Variants in SACS observed in about 807,000 individuals in gnomAD.
SACS encodes the protein sacsin.
SACS carries 197 observed loss-of-function variants against 348.0 expected under a neutral mutation model. The observed-to-expected ratio is 0.57, with a 90% confidence interval of 0.50 to 0.64. SACS has a LOEUF of 0.64. SACS is among the 30% of genes least tolerant of loss of function. The probability of loss-of-function intolerance (pLI) is 0.00; values close to 1 mark genes in which losing one functional copy is unlikely to be tolerated. For synonymous variants in SACS, 1,985 were observed against 1,910.6 expected, an observed-to-expected ratio of 1.04 and a Z score of -1.02; for missense variants, 4,999 against 5,360.8, an observed-to-expected ratio of 0.93 and a Z score of 2.11.
intron 2 of SACS, among the ~76,000 whole-genome samples, chr13:23,387,730 G>A (rs527621550): frequency 8.5e-5 from 13 of 152,336 alleles, no homozygotes; most frequent in Non-Finnish European, 1.6e-4. Context: ...CCAATGGACA[G>A]CATGGTGCAG....
At chr13:23,386,156 C>T (rs1009012399) in intron 2 of SACS, among the ~76,000 whole-genome samples, 4 of 152,224 alleles carry the variant, frequency 2.6e-5, no homozygotes, top group Non-Finnish European at 4.4e-5. Flanking sequence ...TAGCCCCTAA[C>T]AAGAGTCAAC....
chr13:23,334,978 G>C lies in SACS; in HGVS notation c.8898C>G (p.Asn2966Lys). The change falls in exon 10 of 10, where the codon AAC (asparagine) becomes AAG (lysine). Residue 2966 changes from asparagine (N) to lysine (K), a missense_variant. Transcript: ENST00000382292. ...ATAAATCTGGCTGTAGATCAAGACGGTTAACTGGGAAAAACGATAAAAACT... is the reference window on the plus strand; with the variant it reads ...ATAAATCTGGCTGTAGATCAAGACGCTTAACTGGGAAAAACGATAAAAACT... ...LKKFLSFFPV[N>K]RLDLQPDLYC... The C allele has an allele frequency of 1.2e-6, 2 of 1,613,876 alleles. No homozygotes were observed. Among genetic ancestry groups the C allele is most frequent in the Non-Finnish European group, 1.7e-6 (2 of 1,179,834 alleles).
At chr13:23,346,180 C>T (rs549260633) in intron 9 of SACS, among the ~76,000 whole-genome samples, 35 of 152,336 alleles carry the variant, frequency 2.3e-4, no homozygotes, top group African/African-American at 8.4e-4. Flanking sequence ...GAGTCCCGCT[C>T]TGTCGCCCAG....
At chr13:23,414,953 C>G (rs1477231905) in intron 1 of SACS, among the ~76,000 whole-genome samples, 1 of 152,214 alleles carries the variant, frequency 6.6e-6, no homozygotes. Context: ...TCTCAGAGAT[C>G]ACTGTGTCCT....
intron 1 of SACS, among the ~76,000 whole-genome samples, chr13:23,422,329 T>A (rs1873985885): frequency 3.3e-5 from 5 of 152,148 alleles, no homozygotes; most frequent in African/African-American, 1.2e-4. Context: ...ATGTAACCTG[T>A]GTTTTTATTA....
chr13:23,412,066 T>G (rs543067433), intron 1 of SACS, among the ~76,000 whole-genome samples: 1 of 152,160 alleles, frequency 6.6e-6, no homozygotes, highest in South Asian at 2.1e-4. Context: ...GAGACCATCC[T>G]GGCTAATACG....
chr13:23,400,286 T>C (rs1321074116), intron 2 of SACS, among the ~76,000 whole-genome samples: 1 of 152,216 alleles, frequency 6.6e-6, no homozygotes, highest in Non-Finnish European at 1.5e-5. Context: ...TCACAATATA[T>C]AGGGTCAAAT....
rs1004576836 is a variant in SACS, at chr13:23,329,704, GACAGACT to G, written c.*425_*431del. The stretch of plus-strand genomic sequence containing the variant: ...TCCAAGAGGATCCACTTAAAAAAAT[GACAGACT>G]ACAAAGACTTAATTCCCCTTATGTT... On this transcript the variant is annotated 3_prime_UTR_variant, in exon 10 of 10. Transcript: ENST00000382292. The G allele has an allele frequency of 2.8e-4, 145 of 509,460 alleles. 1 individual carries two copies. Among genetic ancestry groups the G allele is most frequent in the African/African-American group, 2.3e-3 (119 of 50,780 alleles). The allele number at this position is 509,460 out of a possible 1,614,324, so 31.6% of individuals were successfully genotyped here.
chr13:23,405,073 T>G (rs112141763), intron 2 of SACS, among the ~76,000 whole-genome samples: 3 of 152,178 alleles, frequency 2.0e-5, no homozygotes. Context: ...AAATTTCATA[T>G]GGAACCAAAA....
chr13:23,390,365 C>A (rs930078987), intron 2 of SACS, among the ~76,000 whole-genome samples: 2 of 152,152 alleles, frequency 1.3e-5, no homozygotes, highest in Admixed American at 6.5e-5. Flanking sequence ...CAAATGAGAT[C>A]ATTTAAAATC....
intron 9 of SACS, among the ~76,000 whole-genome samples, chr13:23,345,187 A>T (rs770488514): frequency 6.6e-6 from 1 of 152,216 alleles, no homozygotes; most frequent in Non-Finnish European, 1.5e-5. Context: ...AGTTCTAACA[A>T]TGCCCTACTG....
In SACS at chr13:23,332,924, A is replaced by G; in HGVS notation, c.10952T>C (p.Ile3651Thr). The G allele has an allele frequency of 6.2e-7, 1 of 1,613,940 alleles. No individual in the cohort carries two copies. The highest frequency in any genetic ancestry group is 8.5e-7 in the Non-Finnish European group (1 of 1,179,920). ...SGNFLKELSL[I>T]PFLCPERAPA... ...GGCCCGCTCAGGACATAAGAATGGT[A>G]TTAAAGATAGTTCTTTCAGAAAATT... Residue 3651 changes from isoleucine to threonine, a missense_variant, in exon 10 of 10, where the codon ATA becomes ACA. Physicochemically the swap from Ile to Thr is moderately conservative, Grantham distance 89. Transcript: ENST00000382292.
intron 1 of SACS, among the ~76,000 whole-genome samples, chr13:23,421,547 G>A (rs546197403): frequency 6.6e-6 from 1 of 152,184 alleles, no homozygotes; most frequent in South Asian, 2.1e-4. Flanking sequence ...GAGCCTGAAC[G>A]TCCGTCTGAG....
chr13:23,338,852 T>C lies in SACS; in HGVS notation c.5024A>G (p.Glu1675Gly). 6.2e-7 allele frequency: 1 copy of C among 1,613,116 alleles called. No homozygotes were observed. Among genetic ancestry groups the C allele is most frequent in the Non-Finnish European group, 8.5e-7 (1 of 1,179,868 alleles). The change falls in exon 10 of 10, where the codon GAA becomes GGA. Residue 1675 changes from glutamate (E) to glycine (G), a missense_variant. Physicochemically the swap from Glu to Gly is moderately conservative, Grantham distance 98 (BLOSUM62 -2). Around this residue, in one of 6 missense-constraint regions of SACS, gnomAD observed 3,156 missense variants for 3,380.1 expected, o/e 0.93. Coordinates refer to ENST00000382292, the MANE Select transcript of SACS (RefSeq NM_014363.6). ...NTADIYSLVD[E>G]FSLCGHRLII... ...AAGCCTGTGTCCACAGAGACTAAAT[T>C]CATCCACAAGAGAATAAATATCTGC... is the stretch of plus-strand genomic sequence containing the variant.
At chr13:23,407,310 T>C (rs1873268984) in intron 2 of SACS, among the ~76,000 whole-genome samples, 1 of 152,202 alleles carries the variant, frequency 6.6e-6, no homozygotes, top group Non-Finnish European at 1.5e-5. Context: ...ACCATTCTCC[T>C]GCCTCAGCCT....
Position 23,355,401 on chromosome 13 carries a change from C to T in SACS, c.1211G>A (p.Ser404Asn). ...ATCAGCTAAAGAGTCAAGCTTACTA[C>T]TGATCCCTCGCCCACCCACACTGTT... Reference protein sequence around the residue: ...VCNSVGGRGISSKLDSLADEL... With the variant: ...VCNSVGGRGINSKLDSLADEL... Residue 404 changes from serine to asparagine, a missense_variant, in exon 8 of 10, where the codon AGT becomes AAT. Coordinates refer to ENST00000382292, the MANE Select transcript of SACS (RefSeq NM_014363.6). 3 of 1,614,180 alleles carry T rather than the reference C, an allele frequency of 1.9e-6. No individual in the cohort carries two copies. Among genetic ancestry groups the T allele is most frequent in the African/African-American group, 2.7e-5 (2 of 75,034 alleles).
At chr13:23,420,793 C>G (rs7489602) in intron 1 of SACS, among the ~76,000 whole-genome samples, 73,390 of 152,016 alleles carry the variant, frequency 0.48, 20,259 homozygotes, top group South Asian at 0.63. Flanking sequence ...CAGGTATCCA[C>G]CTGGGGAGTG....
intron 4 of SACS, among the ~76,000 whole-genome samples, chr13:23,370,460 A>C (rs1310289034): frequency 6.6e-6 from 1 of 152,156 alleles, no homozygotes. Context: ...TTTTATGGTA[A>C]GAGTAATTAA....
At chr13:23,422,836 A>G (rs1379687741) in intron 1 of SACS, among the ~76,000 whole-genome samples, 1 of 152,124 alleles carries the variant, frequency 6.6e-6, no homozygotes, top group Non-Finnish European at 1.5e-5. Context: ...CATACTAGAA[A>G]CATGTTTTGT....
Sources: gnomAD v4.1 joint callset for allele counts (sites outside exome capture counted in the v4.1 genomes callset) on GRCh38, gnomAD v4.1.1 for gene constraint, gnomAD v4.1.1 regional missense constraint, MANE v1.5 for transcripts, NCBI Gene and HGNC (gene_info 2026-07-23, HGNC 2026-07-21) for gene names.